Variants in KCNH6 observed in about 807,000 individuals in gnomAD.
KCNH6 encodes the protein voltage-gated inwardly rectifying potassium channel KCNH6.
KCNH6 carries 81 observed loss-of-function variants against 83.4 expected under a neutral mutation model. The ratio of observed to expected loss-of-function variants is 0.97; its 90% CI spans 0.81 to 1.17. KCNH6 has a LOEUF of 1.17. KCNH6 is among the 50% of genes most tolerant of loss of function. The probability of loss-of-function intolerance (pLI) is 0.00; values close to 1 mark genes in which losing one functional copy is unlikely to be tolerated. For synonymous variants in KCNH6, 503 were observed against 545.6 expected (o/e 0.92, Z 1.09); for missense variants, 1,203 against 1,290.5 (o/e 0.93, Z 1.04).
rs1252706145 is a variant in KCNH6, at chr17:63,536,032, G to A, written c.1465G>A (p.Glu489Lys). ...FGNVSPNTNS[E>K]KVFSICVMLI... ...CAATGTCTCGCCCAACACCAACTCC[G>A]AGAAGGTCTTCTCCATCTGCGTCAT... Residue 489 changes from glutamate (E) to lysine (K), a missense_variant, in exon 6 of 13, where the codon GAG (glutamate) becomes AAG (lysine). By Grantham distance (56) the Glu-to-Lys change is moderately conservative. Transcript: ENST00000314672. 7.4e-6 allele frequency: 12 copies of A among 1,613,522 alleles called. No homozygotes were observed. The highest frequency in any genetic ancestry group is 4.0e-5 in the African/African-American group (3 of 74,928).
intron 2 of KCNH6, among the ~76,000 whole-genome samples, chr17:63,525,029 G>A (rs750814076): frequency 3.9e-5 from 6 of 152,272 alleles, no homozygotes; most frequent in African/African-American, 1.4e-4. Flanking sequence ...AGCATGGGTG[G>A]GAACGAGGAA....
Position 63,530,304 on chromosome 17 carries a change from C to T in KCNH6, c.470-33C>T, listed in dbSNP as rs528677954. 2.4e-5 allele frequency: 39 copies of T among 1,613,962 alleles called. No individual in the cohort carries two copies. In the South Asian group the frequency reaches 3.4e-4, roughly 14 times the overall value. The stretch of plus-strand genomic sequence containing the variant: ...GAGGGACGCATGAGGGTCCCCTGGC[C>T]GTGGCTGCTCTGACTCCTGGCCCTG... On this transcript the variant is annotated intron_variant, in intron 3 of 12. Transcript: ENST00000314672.
chr17:63,527,396 AG>A (rs2031788151), intron 2 of KCNH6, among the ~76,000 whole-genome samples: 1 of 152,214 alleles, frequency 6.6e-6, no homozygotes, highest in Non-Finnish European at 1.5e-5. Flanking sequence ...ATCGGGAGAC[AG>A]AGGTGAAGAC....
In KCNH6 at chr17:63,535,546, A is replaced by C. The variant is rs1217256885; in HGVS notation, c.1102-123A>C. 1 of 911,092 alleles carries C rather than the reference A, an allele frequency of 1.1e-6. No individual in the cohort carries two copies. The highest frequency in any genetic ancestry group is 1.7e-5 in the African/African-American group (1 of 59,626). 56.4% of individuals were successfully genotyped at this position (911,092 alleles called of 1,614,324 possible). A position where few individuals can be genotyped will look rare whatever the true frequency, so the allele number is the denominator to read the frequency against. ...CACTGCCAAGTGCGTGGCCCGGAGG[A>C]AGTTCTCCATAAATGTTTGTTGAAT... is the stretch of plus-strand genomic sequence containing the variant. On this transcript the variant is annotated intron_variant, in intron 5 of 12. Coordinates refer to ENST00000314672, the MANE Select transcript of KCNH6 (RefSeq NM_001278919.2). The surrounding 1 kb of genome is among the most constrained non-coding windows in gnomAD (Gnocchi z 4.9).
downstream of KCNH6, among the ~76,000 whole-genome samples, chr17:63,548,391 T>C (rs1471428328): frequency 6.6e-6 from 1 of 151,998 alleles, no homozygotes; most frequent in East Asian, 1.9e-4. Flanking sequence ...CTACAAAAAA[T>C]AAAGGAGGCA....
chr17:63,542,559 T>C, intron 9 of KCNH6, 125 bp downstream of exon 9: 1 of 799,998 alleles, frequency 1.3e-6, no homozygotes, highest in Non-Finnish European at 2.0e-6. Flanking sequence ...CATAATTTCT[T>C]TTGTGCCTAC....
chr17:63,535,040 G>A lies in KCNH6; in HGVS notation c.1102-629G>A, dbSNP rs117536981. On this transcript the variant is annotated intron_variant, in intron 5 of 12. Transcript: ENST00000314672. The surrounding 1 kb of genome is among the most constrained non-coding windows in gnomAD (Gnocchi z 4.9). ...CCCGCCCCTCCACACAGCTGCCACA[G>A]CGACTTTCAGATCGCCTACCTGACC... 0.015 allele frequency among the ~76,000 whole-genome samples: 2,284 copies of A among 152,232 alleles called. 20 individuals carry two copies. Among genetic ancestry groups the A allele is most frequent in the Non-Finnish European group, 0.024 (1,618 of 68,026 alleles).
At chr17:63,525,687 T>C (rs374430508) in intron 2 of KCNH6, among the ~76,000 whole-genome samples, 16 of 152,180 alleles carry the variant, frequency 1.1e-4, no homozygotes, top group Admixed American at 5.9e-4. Context: ...GTCCTGGTTG[T>C]TCCTGCTGCT....
At chr17:63,548,126 C>T (rs573830238), downstream of KCNH6, among the ~76,000 whole-genome samples, 6 of 152,064 alleles carry the variant, frequency 3.9e-5, no homozygotes, top group African/African-American at 1.2e-4. Context: ...AATAGCCAGG[C>T]GTGGTGGCAG....
At chr17:63,539,818 C>CT (rs946940947) in intron 8 of KCNH6, among the ~76,000 whole-genome samples, 13 of 152,290 alleles carry the variant, frequency 8.5e-5, no homozygotes, top group African/African-American at 3.1e-4. Flanking sequence ...CCATGCCTGT[C>CT]TTCCACCTTC....
At chr17:63,541,286 CTT>C (rs58311051) in intron 8 of KCNH6, among the ~76,000 whole-genome samples, 49 of 108,816 alleles carry the variant, frequency 4.5e-4, no homozygotes, top group Admixed American at 1.3e-3. Context: ...GTGCCTCTTG[CTT>C]TTTTTTTTTT....
At chr17:63,528,750 G>GT (rs1248315579) in intron 2 of KCNH6, among the ~76,000 whole-genome samples, 5 of 152,240 alleles carry the variant, frequency 3.3e-5, no homozygotes, top group African/African-American at 1.2e-4. Flanking sequence ...TCTGCCAACA[G>GT]TTTGAGTTGA....
rs544136562 is a variant in KCNH6, at chr17:63,535,608, G to T, written c.1102-61G>T. On this transcript the variant is annotated intron_variant, in intron 5 of 12. Transcript: ENST00000314672. This position sits in a 1 kb window ranked among gnomAD's most constrained non-coding sequence, Gnocchi z 4.9. ...TGTATGCATGAGTGAACAAAAGCAG[G>T]CCTGACTGCACCCTTCCAAGGGCTG... 6 of 1,491,088 alleles carry T rather than the reference G, an allele frequency of 4.0e-6. No individual in the cohort carries two copies. In the South Asian group the frequency reaches 5.2e-5, roughly 13 times the overall value. The allele number at this position is 1,491,088 out of a possible 1,614,324, so 92.4% of individuals were successfully genotyped here.
In KCNH6 at chr17:63,538,607, C is replaced by T; in HGVS notation, c.1899C>T (p.Phe633=). Reference sequence around the variant, plus strand: ...GCGACGTGCTCTCCACCCTCTACTTCATCTCCCGAGGCTCCATCGAGATCC... The same window carrying T: ...GCGACGTGCTCTCCACCCTCTACTTTATCTCCCGAGGCTCCATCGAGATCC... The part of the protein sequence containing the change: ...HLGDVLSTLY[F]ISRGSIEILR... Residue 633 remains phenylalanine (F), a synonymous_variant, in exon 8 of 13, where the codon TTC becomes TTT. Coordinates refer to ENST00000314672, the MANE Select transcript of KCNH6 (RefSeq NM_001278919.2). This position sits in a 1 kb window ranked among gnomAD's most constrained non-coding sequence, Gnocchi z 4.0. 2 of 1,611,776 alleles carry T rather than the reference C, an allele frequency of 1.2e-6. No homozygotes were observed. Among genetic ancestry groups the T allele is most frequent in the Non-Finnish European group, 1.7e-6 (2 of 1,178,696 alleles).
At chr17:63,542,507 T>C (rs2032925305) in intron 9 of KCNH6, 73 bp downstream of exon 9, 1 of 1,300,634 alleles carries the variant, frequency 7.7e-7, no homozygotes, top group Non-Finnish European at 1.1e-6. Flanking sequence ...GGCACCCATC[T>C]GACCAACACC....
At position 63,533,951 on chromosome 17, in the gene KCNH6, G is replaced by T; in HGVS notation, c.741G>T (p.Trp247Cys). ...TGCAGGCGCCGCGCATCCACCGCTG[G>T]ACCATCCTGCACTACAGCCCCTTCA... ...YKLQAPRIHR[W>C]TILHYSPFKA... Residue 247 changes from tryptophan (W) to cysteine (C), a missense_variant, in exon 5 of 13, where the codon TGG (tryptophan) becomes TGT (cysteine). Physicochemically the swap from Trp to Cys is radical, Grantham distance 215 (BLOSUM62 -2). Coordinates refer to ENST00000314672, the MANE Select transcript of KCNH6 (RefSeq NM_001278919.2). The surrounding 1 kb of genome is among the most constrained non-coding windows in gnomAD (Gnocchi z 4.1). 6.2e-7 allele frequency: 1 copy of T among 1,614,098 alleles called. No individual in the cohort carries two copies. Among genetic ancestry groups the T allele is most frequent in the Non-Finnish European group, 8.5e-7 (1 of 1,180,004 alleles).
chr17:63,548,364 A>G (rs1448740102), downstream of KCNH6, among the ~76,000 whole-genome samples: 6 of 152,214 alleles, frequency 3.9e-5, no homozygotes, highest in Non-Finnish European at 7.3e-5. Context: ...CCTGGGCAAC[A>G]TAGCAAGATC....
In KCNH6 at chr17:63,534,731, C is replaced by T. The variant is rs1011167034; in HGVS notation, c.1101+420C>T. On this transcript the variant is annotated intron_variant, in intron 5 of 12. Coordinates refer to ENST00000314672, the MANE Select transcript of KCNH6 (RefSeq NM_001278919.2). This position sits in a 1 kb window ranked among gnomAD's most constrained non-coding sequence, Gnocchi z 5.0. ...TGTCCACCTGGCTGCCCATAGGTGA[C>T]GTGAAGGCATCTACATGCCTTTCTC... Among the ~76,000 whole-genome samples, 21 of 152,274 alleles carry T rather than the reference C, an allele frequency of 1.4e-4. No individual in the cohort carries two copies. The highest frequency in any genetic ancestry group is 2.0e-4 in the Admixed American group (3 of 15,298).
intron 8 of KCNH6, among the ~76,000 whole-genome samples, chr17:63,540,878 T>A (rs1386782599): frequency 6.6e-6 from 1 of 152,204 alleles, no homozygotes; most frequent in Admixed American, 6.5e-5. Flanking sequence ...GCTGATCACA[T>A]GCTGTTTCTT....
Sources: gnomAD v4.1 joint callset for allele counts (sites outside exome capture counted in the v4.1 genomes callset) on GRCh38, gnomAD v4.1.1 for gene constraint, Gnocchi (gnomAD v3.1) non-coding constraint, MANE v1.5 for transcripts, NCBI Gene and HGNC (gene_info 2026-07-23, HGNC 2026-07-21) for gene names.